The following TBL1X variants were observed in gnomAD, a reference collection of about 807,000 sequenced individuals.
TBL1X encodes transducin beta like 1 X-linked.
In TBL1X, 10 loss-of-function variants were observed where a neutral mutation model predicts 50.7. That is an observed-to-expected ratio of 0.20 (90% confidence interval 0.12 to 0.33). TBL1X has a LOEUF of 0.33. Ranked by LOEUF, TBL1X falls within the 10% of genes least tolerant of loss-of-function variation. The pLI, the probability that TBL1X is intolerant of heterozygous loss-of-function variation, is 1.00. For missense variants in TBL1X, 340 were observed against 504.4 expected, an observed-to-expected ratio of 0.67 and a Z score of 3.12; for synonymous variants, 190 against 214.7, an observed-to-expected ratio of 0.88 and a Z score of 1.01.
chrX:9,589,878 C>T (rs758401493), intron 2 of TBL1X, among the ~76,000 whole-genome samples: 7 of 111,695 alleles, frequency 6.3e-5, no homozygotes, highest in Non-Finnish European at 7.5e-5. Context: ...CCAGCAGATA[C>T]CACCTAGGTG....
intron 12 of TBL1X, among the ~76,000 whole-genome samples, chrX:9,704,432 A>T (rs1190721898): frequency 8.9e-6 from 1 of 112,030 alleles, no homozygotes; most frequent in Non-Finnish European, 1.9e-5. Context: ...TAACTGTGCC[A>T]TGGGAGCGGG....
intron 2 of TBL1X, among the ~76,000 whole-genome samples, chrX:9,526,921 A>G (rs952868245): frequency 1.8e-5 from 2 of 111,100 alleles, no homozygotes; most frequent in African/African-American, 6.6e-5. Flanking sequence ...CAAAGGGGGG[A>G]GTCAGTCCCC....
At chrX:9,512,776 G>C (rs1049002010) in intron 2 of TBL1X, among the ~76,000 whole-genome samples, 1 of 111,728 alleles carries the variant, frequency 9.0e-6, no homozygotes, top group African/African-American at 3.3e-5. Context: ...TGGGATTACA[G>C]GCATGAGCCA....
At chrX:9,572,260 G>T (rs767821211) in intron 2 of TBL1X, among the ~76,000 whole-genome samples, 1 of 112,620 alleles carries the variant, frequency 8.9e-6, no homozygotes, top group African/African-American at 3.2e-5. Context: ...AGCAGCAGAA[G>T]TCCACATGTT....
chrX:9,571,113 C>T (rs1208167969), intron 2 of TBL1X, among the ~76,000 whole-genome samples: 1 of 111,984 alleles, frequency 8.9e-6, no homozygotes, highest in Non-Finnish European at 1.9e-5. Context: ...TCTCACAATT[C>T]TGGAGGCTGG....
intron 1 of TBL1X, among the ~76,000 whole-genome samples, chrX:9,479,229 C>T (rs1191633735): frequency 3.6e-5 from 4 of 112,602 alleles, no homozygotes; most frequent in African/African-American, 9.7e-5. Flanking sequence ...GAGGCCAGGG[C>T]GAGGTCAGGA....
chrX:9,608,778 C>T (rs1430283516), intron 2 of TBL1X, among the ~76,000 whole-genome samples: 1 of 111,800 alleles, frequency 8.9e-6, no homozygotes, highest in Non-Finnish European at 1.9e-5. Context: ...CTGACATAAG[C>T]GAGTTTGAAG....
chrX:9,466,867 C>G (rs1421308272), intron 1 of TBL1X, among the ~76,000 whole-genome samples: 1 of 112,409 alleles, frequency 8.9e-6, no homozygotes, highest in Non-Finnish European at 1.9e-5. Flanking sequence ...AGCTGGGTAA[C>G]TAATGCAAAC....
chrX:9,468,824 A>G (rs970642007), intron 1 of TBL1X, among the ~76,000 whole-genome samples: 1 of 110,345 alleles, frequency 9.1e-6, no homozygotes, highest in African/African-American at 3.3e-5. Flanking sequence ...AGATAGAGTT[A>G]TTATATTTCT....
In TBL1X at chrX:9,709,682, A is replaced by G. The variant is rs749130599; in HGVS notation, c.1361A>G (p.Asn454Ser). Residue 454 changes from asparagine to serine, a missense_variant, in exon 15 of 18, where the codon AAT (asparagine) becomes AGT (serine). Physicochemically the swap from Asn to Ser is conservative, Grantham distance 46 (BLOSUM62 1). This residue lies in a region of TBL1X where 170 missense variants were observed against 272.6 expected (regional missense o/e 0.62). Coordinates refer to ENST00000645353, the MANE Select transcript of TBL1X (RefSeq NM_005647.4). ...TGCATCCATGATCTTCAGGCTCACAATAAAGAGATCTACACCATCAAGTGG... is the reference window on the plus strand; with the variant it reads ...TGCATCCATGATCTTCAGGCTCACAGTAAAGAGATCTACACCATCAAGTGG... Reference protein sequence around the residue: ...EVCIHDLQAHNKEIYTIKWSP... With the variant: ...EVCIHDLQAHSKEIYTIKWSP... The G allele has an allele frequency of 9.1e-6, 10 of 1,104,419 alleles. No homozygotes were observed. Among genetic ancestry groups the G allele is most frequent in the Non-Finnish European group, 1.2e-5 (10 of 838,766 alleles). The allele number at this position is 1,104,419 out of a possible 1,213,427, so 91.0% of individuals were successfully genotyped here.
chrX:9,631,004 A>G (rs1601805794), intron 2 of TBL1X, among the ~76,000 whole-genome samples: 1 of 111,826 alleles, frequency 8.9e-6, no homozygotes, highest in Middle Eastern at 4.7e-3. Flanking sequence ...TGGATAATAT[A>G]TATATATATA....
Position 9,507,709 on chromosome X carries a change from A to T in TBL1X, c.-131+5860A>T, listed in dbSNP as rs1474500840. 5.1e-4 allele frequency among the ~76,000 whole-genome samples: 57 copies of T among 112,249 alleles called. No homozygotes were observed. The Admixed American group carries it at 5.1e-3, about 10-fold the overall frequency. On this transcript the variant is annotated intron_variant, in intron 2 of 17. Coordinates refer to ENST00000645353, the MANE Select transcript of TBL1X (RefSeq NM_005647.4). ...TCAAACTATACTACAAGGTTACATT[A>T]ACAAAAACAGCATGGTATGGGTACC...
In TBL1X at chrX:9,719,278, C is replaced by T. The variant is rs62581874; in HGVS notation, c.*3032C>T. On this transcript the variant is annotated 3_prime_UTR_variant, in exon 18 of 18. Coordinates refer to ENST00000645353, the MANE Select transcript of TBL1X (RefSeq NM_005647.4). ...CAGGGTGAAACCCTCTGACCCCTCG[C>T]GACACCGTAGGACTTGACTTTTGTT... 5.3e-5 allele frequency: 6 copies of T among 112,268 alleles called. No homozygotes were observed. Among genetic ancestry groups the T allele is most frequent in the South Asian group, 3.8e-4 (1 of 2,658 alleles). 9.3% of individuals were successfully genotyped at this position (112,268 alleles called of 1,213,427 possible).
chrX:9,689,707 C>T (rs780590428), intron 7 of TBL1X, among the ~76,000 whole-genome samples: 4 of 112,686 alleles, frequency 3.5e-5, no homozygotes, highest in African/African-American at 6.4e-5. Context: ...GGCTGTCACT[C>T]CTGCCTGGAG....
At chrX:9,655,245 A>G (rs1423666797) in intron 5 of TBL1X, among the ~76,000 whole-genome samples, 1 of 111,299 alleles carries the variant, frequency 9.0e-6, no homozygotes, top group Non-Finnish European at 1.9e-5. Flanking sequence ...TCCTGAGGAC[A>G]GAAGTCCAAG....
intron 2 of TBL1X, among the ~76,000 whole-genome samples, chrX:9,580,274 C>A (rs755127295): frequency 1.8e-5 from 2 of 112,147 alleles, no homozygotes; most frequent in East Asian, 5.6e-4. Context: ...GACGATGTGC[C>A]CAAGGTGGTC....
intron 2 of TBL1X, among the ~76,000 whole-genome samples, chrX:9,626,926 C>T (rs764702177): frequency 4.5e-5 from 5 of 112,160 alleles, no homozygotes; most frequent in Non-Finnish European, 9.4e-5. Flanking sequence ...TCCTATTCAG[C>T]GGCTGTAGTC....
chrX:9,660,000 G>T (rs1375780348), intron 5 of TBL1X, among the ~76,000 whole-genome samples: 3 of 112,297 alleles, frequency 2.7e-5, no homozygotes, highest in Non-Finnish European at 5.6e-5. Flanking sequence ...CCCTCCTTAA[G>T]CAGTGCCGTT....
At chrX:9,621,545 C>A (rs895539206) in intron 2 of TBL1X, among the ~76,000 whole-genome samples, 1 of 111,819 alleles carries the variant, frequency 8.9e-6, no homozygotes, top group Non-Finnish European at 1.9e-5. Context: ...TTTTCTGACT[C>A]TGCAGTTTTC....
Sources: allele counts gnomAD v4.1 joint callset (sites outside exome capture counted in the v4.1 genomes callset), GRCh38; gene constraint gnomAD v4.1.1; regional missense constraint gnomAD v4.1.1; transcripts MANE v1.5; gene names NCBI Gene and HGNC (gene_info 2026-07-23, HGNC 2026-07-21).